The following GRM8 variants were observed in gnomAD, a reference collection of about 807,000 sequenced individuals.
GRM8 encodes the protein glutamate metabotropic receptor 8, also known as metabotropic glutamate receptor 8.
In GRM8, 47 loss-of-function variants were observed where a neutral mutation model predicts 87.2. That is an observed-to-expected ratio of 0.54 (90% CI 0.43 to 0.69). GRM8 has a LOEUF of 0.69. Among genes scored for constraint, GRM8 ranks in the 30% least tolerant of loss-of-function variants. The pLI, the probability that GRM8 is intolerant of heterozygous loss-of-function variation, is 0.00. For synonymous variants in GRM8, 396 were observed against 404.5 expected (o/e 0.98, Z 0.25); for missense variants, 1,019 against 1,139.2 (o/e 0.89, Z 1.52).
intron 8 of GRM8, among the ~76,000 whole-genome samples, chr7:126,538,569 C>T (rs1437130215): frequency 6.6e-6 from 1 of 151,964 alleles, no homozygotes; most frequent in East Asian, 1.9e-4. Context: ...ATAACTGATA[C>T]TTAGTCATAC....
At chr7:127,098,235 C>G (rs1824870115) in intron 3 of GRM8, among the ~76,000 whole-genome samples, 1 of 152,132 alleles carries the variant, frequency 6.6e-6, no homozygotes, top group Admixed American at 6.5e-5. Context: ...GTAAAATTTT[C>G]AATTGAATTA....
At chr7:126,518,437 TAGAG>T (rs1266646254) in intron 9 of GRM8, among the ~76,000 whole-genome samples, 1 of 152,054 alleles carries the variant, frequency 6.6e-6, no homozygotes, top group Non-Finnish European at 1.5e-5. Flanking sequence ...TTTTTGCAAA[TAGAG>T]AGCAAGAAAT....
intron 7 of GRM8, among the ~76,000 whole-genome samples, chr7:126,721,498 C>T (rs1034632613): frequency 1.3e-5 from 2 of 152,134 alleles, no homozygotes; most frequent in African/African-American, 4.8e-5. Context: ...CCATTGCCCA[C>T]AACACTTATT....
At chr7:126,861,242 C>A (rs1200896341) in intron 6 of GRM8, among the ~76,000 whole-genome samples, 1 of 152,026 alleles carries the variant, frequency 6.6e-6, no homozygotes, top group African/African-American at 2.4e-5. Flanking sequence ...TTATTTGTTT[C>A]TATCACCACT....
rs150155548 is a variant in GRM8 at position 126,731,282 on chromosome 7, C to T, written c.1357+38583G>A. ...AGGACGTGAGAGAACCACTCAATAT[C>T]CTGAGCACTTCCTGTGTAACTGACT... On this transcript the variant is annotated intron_variant, in intron 7 of 10. Coordinates refer to ENST00000339582, the MANE Select transcript of GRM8 (RefSeq NM_000845.3). 6.6e-5 allele frequency among the ~76,000 whole-genome samples: 10 copies of T among 152,216 alleles called. No individual in the cohort carries two copies. In the East Asian group the frequency reaches 1.9e-3, roughly 29 times the overall value.
At chr7:127,076,640 A>G (rs1822292637) in intron 3 of GRM8, among the ~76,000 whole-genome samples, 1 of 152,188 alleles carries the variant, frequency 6.6e-6, no homozygotes, top group Admixed American at 6.5e-5. Context: ...CCTGAAGAGC[A>G]AGACCTGGTA....
intron 6 of GRM8, among the ~76,000 whole-genome samples, chr7:126,814,407 C>A (rs1430011793): frequency 2.6e-5 from 4 of 152,030 alleles, no homozygotes; most frequent in African/African-American, 7.2e-5. Flanking sequence ...TCCTTGGATT[C>A]ATGTTTCATA....
At chr7:126,908,707 C>T (rs1338546774) in intron 3 of GRM8, among the ~76,000 whole-genome samples, 13 of 152,176 alleles carry the variant, frequency 8.5e-5, no homozygotes, top group Admixed American at 7.2e-4. Flanking sequence ...GCTGAGTTAG[C>T]TGAGTTGAAT....
chr7:126,809,970 C>T (rs889133507), intron 6 of GRM8, among the ~76,000 whole-genome samples: 5 of 152,100 alleles, frequency 3.3e-5, no homozygotes, highest in South Asian at 2.1e-4. Flanking sequence ...ATTCCACTTA[C>T]TCTCAGTCTT....
At chr7:126,785,614 C>G (rs1404120521) in intron 6 of GRM8, among the ~76,000 whole-genome samples, 1 of 151,924 alleles carries the variant, frequency 6.6e-6, no homozygotes, top group African/African-American at 2.4e-5. Context: ...CTTTTAAGAC[C>G]CAGGTCTTTC....
intron 2 of GRM8, among the ~76,000 whole-genome samples, chr7:127,159,068 T>C (rs763187596): frequency 2.0e-5 from 3 of 152,164 alleles, no homozygotes; most frequent in Non-Finnish European, 2.9e-5. Context: ...CATTCAGGTT[T>C]GGTAAGAGCA....
At chr7:126,492,075 G>GAGGC (rs1306593282) in intron 9 of GRM8, among the ~76,000 whole-genome samples, 1 of 151,748 alleles carries the variant, frequency 6.6e-6, no homozygotes, top group Non-Finnish European at 1.5e-5. Context: ...ATTTTTCTTT[G>GAGGC]AGGCAGGGTC....
At position 126,732,354 on chromosome 7, in the gene GRM8, C is replaced by T. The variant is rs528563014; in HGVS notation, c.1357+37511G>A. 3.3e-5 allele frequency among the ~76,000 whole-genome samples: 5 copies of T among 152,180 alleles called. No homozygotes were observed. The South Asian group carries it at 6.2e-4, about 19-fold the overall frequency. ...CCATTCGGAGCAACAGCAAATATCT[C>T]TAAGTCATTTAAGAAAAATCCAAAG... On this transcript the variant is annotated intron_variant, in intron 7 of 10. Coordinates refer to ENST00000339582, the MANE Select transcript of GRM8 (RefSeq NM_000845.3).
intron 6 of GRM8, among the ~76,000 whole-genome samples, chr7:126,822,164 T>C (rs1366882596): frequency 4.3e-4 from 65 of 152,034 alleles, no homozygotes; most frequent in Non-Finnish European, 4.1e-4. Flanking sequence ...ATCCTCTCAC[T>C]GACTCCATTT....
At chr7:126,985,830 G>A (rs908295913) in intron 3 of GRM8, among the ~76,000 whole-genome samples, 1 of 152,132 alleles carries the variant, frequency 6.6e-6, no homozygotes, top group African/African-American at 2.4e-5. Context: ...CATCTTAAAG[G>A]CCCCACCTCT....
intron 7 of GRM8, among the ~76,000 whole-genome samples, chr7:126,729,901 T>G (rs903866995): frequency 6.6e-5 from 10 of 152,296 alleles, no homozygotes; most frequent in African/African-American, 2.4e-4. Context: ...CTACATTAAC[T>G]GCTGGATGAC....
intron 9 of GRM8, among the ~76,000 whole-genome samples, chr7:126,529,925 T>C (rs1814536814): frequency 6.6e-6 from 1 of 152,220 alleles, no homozygotes; most frequent in South Asian, 2.1e-4. Context: ...AAGGTGCATT[T>C]ATACCATAAT....
intron 9 of GRM8, among the ~76,000 whole-genome samples, chr7:126,502,714 G>T (rs2150703314): frequency 6.6e-6 from 1 of 152,024 alleles, no homozygotes; most frequent in Admixed American, 6.6e-5. Flanking sequence ...CCACCTTAAT[G>T]GTTATTTAAA....
At chr7:126,889,954 A>T (rs1328175141) in intron 6 of GRM8, among the ~76,000 whole-genome samples, 1 of 152,122 alleles carries the variant, frequency 6.6e-6, no homozygotes, top group East Asian at 1.9e-4. Flanking sequence ...TGGCTTTAAA[A>T]ATTGTTGTTC....
Sources: allele counts gnomAD v4.1 joint callset (sites outside exome capture counted in the v4.1 genomes callset), GRCh38; gene constraint gnomAD v4.1.1; transcripts MANE v1.5; gene names NCBI Gene and HGNC (gene_info 2026-07-23, HGNC 2026-07-21).